TMEM132D: variants seen among roughly 807,000 people sequenced by gnomAD.
TMEM132D encodes transmembrane protein 132D, also known as mature OL transmembrane protein.
In TMEM132D, 21 loss-of-function variants were observed where a neutral mutation model predicts 62.3. That is an observed-to-expected ratio of 0.34 (90% CI 0.24 to 0.49). The LOEUF is 0.49. TMEM132D is among the 20% of genes least tolerant of loss of function. TMEM132D has a pLI of 0.99. For synonymous variants in TMEM132D, 621 were observed against 575.6 expected (o/e 1.08, Z -1.13); for missense variants, 1,346 against 1,402.8 (o/e 0.96, Z 0.65).
intron 3 of TMEM132D, among the ~76,000 whole-genome samples, chr12:129,461,510 G>T (rs1378065599): frequency 6.6e-6 from 1 of 152,124 alleles, no homozygotes; most frequent in East Asian, 1.9e-4. Flanking sequence ...AAACAAGACA[G>T]ATTATTTTTC....
chr12:129,477,932 G>A (rs776968889), intron 3 of TMEM132D, among the ~76,000 whole-genome samples: 5 of 152,140 alleles, frequency 3.3e-5, no homozygotes, highest in Non-Finnish European at 7.4e-5. Context: ...TGTTATATGT[G>A]TCCTCAGGCA....
intron 4 of TMEM132D, among the ~76,000 whole-genome samples, chr12:129,301,519 A>C (rs948914337): frequency 6.6e-6 from 1 of 152,184 alleles, no homozygotes; most frequent in Non-Finnish European, 1.5e-5. Context: ...CTTCAAAAGC[A>C]CAGACATTAC....
At chr12:129,868,679 G>A (rs1874146215) in intron 1 of TMEM132D, among the ~76,000 whole-genome samples, 1 of 152,182 alleles carries the variant, frequency 6.6e-6, no homozygotes, top group Non-Finnish European at 1.5e-5. Flanking sequence ...TCAAACAGCA[G>A]GTGTTTCAAA....
At chr12:129,669,549 A>T (rs1485137231) in intron 2 of TMEM132D, among the ~76,000 whole-genome samples, 1 of 152,034 alleles carries the variant, frequency 6.6e-6, no homozygotes, top group African/African-American at 2.4e-5. Flanking sequence ...TACTAAAAAT[A>T]CAAAATTTAG....
At chr12:129,601,931 G>A (rs1878493358) in intron 2 of TMEM132D, among the ~76,000 whole-genome samples, 2 of 151,884 alleles carry the variant, frequency 1.3e-5, no homozygotes, top group African/African-American at 4.8e-5. Context: ...TCAATGCAGG[G>A]TTGCCATAAA....
chr12:129,699,033 C>T (rs1565953657), intron 2 of TMEM132D, among the ~76,000 whole-genome samples: 1 of 152,060 alleles, frequency 6.6e-6, no homozygotes, highest in Non-Finnish European at 1.5e-5. Context: ...TTTTTAATAA[C>T]CCAAAAACAC....
At chr12:129,710,912 G>A (rs1881625982) in intron 1 of TMEM132D, among the ~76,000 whole-genome samples, 1 of 150,854 alleles carries the variant, frequency 6.6e-6, no homozygotes, top group Non-Finnish European at 1.5e-5. Context: ...CAGTGCGCAC[G>A]CTGCCTCTCC....
intron 3 of TMEM132D, among the ~76,000 whole-genome samples, chr12:129,439,820 G>C (rs181473348): frequency 6.6e-6 from 1 of 152,054 alleles, no homozygotes; most frequent in Non-Finnish European, 1.5e-5. Flanking sequence ...ACCTTTCTTT[G>C]GTAGGATTAT....
intron 5 of TMEM132D, among the ~76,000 whole-genome samples, chr12:129,184,417 A>G (rs985562613): frequency 4.6e-5 from 7 of 152,154 alleles, no homozygotes; most frequent in African/African-American, 1.7e-4. Context: ...CTGTTTACAA[A>G]CAAAACAGAA....
At chr12:129,475,921 A>G (rs974888510) in intron 3 of TMEM132D, among the ~76,000 whole-genome samples, 5 of 152,224 alleles carry the variant, frequency 3.3e-5, no homozygotes, top group Non-Finnish European at 7.3e-5. Context: ...TGACAATTTG[A>G]CTGTATTAAA....
At chr12:129,132,498 T>G (rs985556279) in intron 5 of TMEM132D, among the ~76,000 whole-genome samples, 12 of 152,220 alleles carry the variant, frequency 7.9e-5, no homozygotes, top group African/African-American at 2.4e-4. Context: ...ATTTCAAGTA[T>G]ATAACACATT....
intron 5 of TMEM132D, among the ~76,000 whole-genome samples, chr12:129,192,853 A>G (rs1878442701): frequency 6.6e-6 from 1 of 152,108 alleles, no homozygotes; most frequent in African/African-American, 2.4e-5. Flanking sequence ...ATACAACACT[A>G]CCATTCTAAT....
intron 3 of TMEM132D, among the ~76,000 whole-genome samples, chr12:129,395,445 G>T (rs1017860722): frequency 7.2e-5 from 11 of 151,926 alleles, no homozygotes; most frequent in African/African-American, 2.2e-4. Context: ...GTATATATTT[G>T]GTTACTGGAC....
intron 5 of TMEM132D, among the ~76,000 whole-genome samples, chr12:129,148,642 A>T (rs1876981357): frequency 6.6e-6 from 1 of 152,118 alleles, no homozygotes; most frequent in Admixed American, 6.5e-5. Context: ...GATCTCTAAG[A>T]TGATAACTTT....
At chr12:129,099,807 T>C (rs1024496551) in intron 5 of TMEM132D, among the ~76,000 whole-genome samples, 2 of 80,224 alleles carry the variant, frequency 2.5e-5, no homozygotes, top group African/African-American at 9.3e-5. Flanking sequence ...ACCCACTTTA[T>C]TTTTTTTTAT....
At chr12:129,424,570 T>C (rs1171232810) in intron 3 of TMEM132D, among the ~76,000 whole-genome samples, 2 of 151,736 alleles carry the variant, frequency 1.3e-5, no homozygotes, top group South Asian at 2.1e-4. Context: ...TAGCCGGGCG[T>C]GGTGGTGGGC....
chr12:129,351,404 T>G (rs142122858), intron 3 of TMEM132D, among the ~76,000 whole-genome samples: 47 of 152,304 alleles, frequency 3.1e-4, no homozygotes, highest in African/African-American at 1.1e-3. Context: ...TGCTGCAGCT[T>G]TCAATAATAC....
intron 5 of TMEM132D, among the ~76,000 whole-genome samples, chr12:129,093,861 GCC>G (rs1317490540): frequency 1.3e-5 from 1 of 74,140 alleles, no homozygotes; most frequent in Non-Finnish European, 2.4e-5. Flanking sequence ...ACAGAACAGA[GCC>G]CTCAGAAATG....
chr12:129,346,875 C>A (rs1348287080), intron 3 of TMEM132D, among the ~76,000 whole-genome samples: 1 of 152,140 alleles, frequency 6.6e-6, no homozygotes, highest in Non-Finnish European at 1.5e-5. Flanking sequence ...GATATAAAAT[C>A]AATATGCAAG....
Sources: allele counts gnomAD v4.1 joint callset (sites outside exome capture counted in the v4.1 genomes callset), GRCh38; gene constraint gnomAD v4.1.1; transcripts MANE v1.5; gene names NCBI Gene and HGNC (gene_info 2026-07-23, HGNC 2026-07-21).